LIMA1: variants seen among roughly 807,000 people sequenced by gnomAD.
LIMA1 encodes the protein LIM domain and actin-binding protein 1.
Under a neutral mutation model 62.6 loss-of-function variants are expected in LIMA1, and 52 were observed. The ratio of observed to expected loss-of-function variants is 0.83; its 90% CI spans 0.67 to 1.05. LIMA1 has a LOEUF of 1.05. Among genes scored for constraint, LIMA1 ranks in the 50% least tolerant of loss-of-function variants. The probability of loss-of-function intolerance (pLI) is 0.00; values close to 1 mark genes in which losing one functional copy is unlikely to be tolerated. For synonymous variants in LIMA1, 302 were observed against 317.8 expected (o/e 0.95, Z 0.53); for missense variants, 780 against 902.2 (o/e 0.86, Z 1.74).
At chr12:50,229,012 G>C (rs1194725435) in intron 3 of LIMA1, among the ~76,000 whole-genome samples, 1 of 152,170 alleles carries the variant, frequency 6.6e-6, no homozygotes, top group Non-Finnish European at 1.5e-5. Context: ...ACAAGCCACT[G>C]TGGCAGAGCC....
In LIMA1 at chr12:50,200,805, A is replaced by G; in HGVS notation, c.944T>C (p.Val315Ala). The change falls in exon 7 of 11, where the codon GTC becomes GCC. Residue 315 changes from valine (V) to alanine (A), a missense_variant. Transcript: ENST00000341247. ...QKENVPPGPE[V>A]CITHQEGEKI... ...TTCCCCTTCCTGATGGGTGATGCAG[A>G]CCTCAGGACCTGGGGGCACATTCTC... 1 of 1,614,106 alleles carries G rather than the reference A, an allele frequency of 6.2e-7. No individual in the cohort carries two copies. Among genetic ancestry groups the G allele is most frequent in the Non-Finnish European group, 8.5e-7 (1 of 1,180,010 alleles).
intron 6 of LIMA1, chr12:50,202,030 A>C (rs1941061670): frequency 6.6e-6 from 1 of 152,330 alleles, no homozygotes; most frequent in South Asian, 2.1e-4. Context: ...GCATGGGAGG[A>C]AACAATTTAT....
chr12:50,209,475 T>C (rs1422651690), intron 4 of LIMA1, among the ~76,000 whole-genome samples: 1 of 147,756 alleles, frequency 6.8e-6, no homozygotes, highest in Non-Finnish European at 1.5e-5. Context: ...AGGCTGAGGT[T>C]GAGAATCACT....
At chr12:50,259,048 C>T (rs1942033727) in intron 1 of LIMA1, among the ~76,000 whole-genome samples, 1 of 152,188 alleles carries the variant, frequency 6.6e-6, no homozygotes, top group South Asian at 2.1e-4. Flanking sequence ...TTTATAACTT[C>T]TTTCTCTGAT....
chr12:50,194,436 A>G (rs1940882928), intron 8 of LIMA1, among the ~76,000 whole-genome samples: 1 of 152,036 alleles, frequency 6.6e-6, no homozygotes, highest in South Asian at 2.1e-4. Context: ...AGCTGGGATT[A>G]CAGGCGCCCA....
intron 4 of LIMA1, among the ~76,000 whole-genome samples, chr12:50,208,239 A>G: frequency 6.6e-6 from 1 of 152,164 alleles, no homozygotes; most frequent in East Asian, 1.9e-4. Context: ...TAATCCCAGC[A>G]CTTTGGGAGG....
At chr12:50,270,355 C>A (rs541479495) in intron 1 of LIMA1, among the ~76,000 whole-genome samples, 1 of 151,272 alleles carries the variant, frequency 6.6e-6, no homozygotes, top group South Asian at 2.1e-4. Flanking sequence ...TCCCAGCACT[C>A]TGGGAGACCA....
intron 4 of LIMA1, among the ~76,000 whole-genome samples, chr12:50,207,244 G>T (rs549265521): frequency 6.6e-6 from 1 of 152,216 alleles, no homozygotes; most frequent in East Asian, 1.9e-4. Flanking sequence ...TTTTTTTAAT[G>T]AAGTGTTTTG....
At position 50,177,131 on chromosome 12, in the gene LIMA1, T is replaced by G. The variant is rs1177693364; in HGVS notation, c.2213A>C (p.Lys738Thr). Reference sequence around the variant, plus strand: ...TATCTGTTCTTCCACAGAGAGCTCTTTGACCACTTCTCCCTCCCAGAGTTC... The same window carrying G: ...TATCTGTTCTTCCACAGAGAGCTCTGTGACCACTTCTCCCTCCCAGAGTTC... ...DVELWEGEVV[K>T]ELSVEEQIKR... The change falls in exon 11 of 11, where the codon AAA becomes ACA. Residue 738 changes from lysine (K) to threonine (T), a missense_variant. Transcript: ENST00000341247. 2 of 1,612,948 alleles carry G rather than the reference T, an allele frequency of 1.2e-6. No homozygotes were observed. The highest frequency in any genetic ancestry group is 1.7e-6 in the Non-Finnish European group (2 of 1,179,704).
At position 50,222,243 on chromosome 12, in the gene LIMA1, G is replaced by A. The variant is rs780513771; in HGVS notation, c.408C>T (p.Ala136=). The A allele has an allele frequency of 1.6e-5, 26 of 1,613,940 alleles. No homozygotes were observed. The highest frequency in any genetic ancestry group is 2.2e-5 in the East Asian group (1 of 44,900). Residue 136 remains alanine, a synonymous_variant, in exon 4 of 11, where the codon GCC becomes GCT. Transcript: ENST00000341247. The stretch of plus-strand genomic sequence containing the variant: ...TGTGGGGATATCGACCCTGAACGAG[G>A]GCTTCAGGAGGTGACCTGAGTCTAG... ...PRSRLRSPPE[A]LVQGRYPHIK... is the part of the protein sequence containing the mutation.
At chr12:50,197,090 T>C (rs1940945725) in intron 7 of LIMA1, among the ~76,000 whole-genome samples, 1 of 151,014 alleles carries the variant, frequency 6.6e-6, no homozygotes, top group African/African-American at 2.4e-5. Flanking sequence ...TTTTTTTTTT[T>C]GAATGGAGTC....
chr12:50,219,403 T>C (rs1417910680), intron 4 of LIMA1, among the ~76,000 whole-genome samples: 1 of 152,124 alleles, frequency 6.6e-6, no homozygotes, highest in Non-Finnish European at 1.5e-5. Context: ...GAGAATTACT[T>C]GAACCTGGGA....
chr12:50,267,081 A>G (rs562795496), intron 1 of LIMA1, among the ~76,000 whole-genome samples: 1 of 150,002 alleles, frequency 6.7e-6, no homozygotes, highest in South Asian at 2.1e-4. Context: ...TTTTATTATT[A>G]TTTTTTGAGA....
chr12:50,181,835 G>A, intron 10 of LIMA1, 69 bp downstream of exon 10: 3 of 1,548,646 alleles, frequency 1.9e-6, no homozygotes, highest in Non-Finnish European at 2.7e-6. Context: ...TAGCACCAGT[G>A]CTCTAAAAGC....
At chr12:50,180,254 C>A (rs1940465742) in intron 10 of LIMA1, among the ~76,000 whole-genome samples, 1 of 151,066 alleles carries the variant, frequency 6.6e-6, no homozygotes, top group Admixed American at 6.6e-5. Context: ...GAGCTGACAT[C>A]ATCCCACTGC....
intron 1 of LIMA1, among the ~76,000 whole-genome samples, chr12:50,279,858 T>TC (rs1474684698): frequency 2.0e-5 from 3 of 151,782 alleles, no homozygotes; most frequent in Non-Finnish European, 4.4e-5. Context: ...ATAAAAGAAG[T>TC]CCCGGGGCAT....
intron 2 of LIMA1, among the ~76,000 whole-genome samples, chr12:50,242,220 G>T (rs987068198): frequency 6.6e-6 from 1 of 151,814 alleles, no homozygotes; most frequent in African/African-American, 2.4e-5. Flanking sequence ...TTTAAGCAAT[G>T]TATTTTCTTC....
chr12:50,181,780 T>G (rs1352171533), intron 10 of LIMA1, 124 bp downstream of exon 10: 4 of 1,037,782 alleles, frequency 3.9e-6, no homozygotes, highest in Non-Finnish European at 4.2e-6. Flanking sequence ...TGCTTTTTAC[T>G]TTATTCAAGA....
intron 9 of LIMA1, chr12:50,186,466 G>A (rs1046104677): frequency 2.0e-5 from 3 of 152,674 alleles, no homozygotes; most frequent in African/African-American, 7.2e-5. Context: ...TTTGACTCCT[G>A]CATACCAAGG....
Sources: gnomAD v4.1 joint callset for allele counts (sites outside exome capture counted in the v4.1 genomes callset) on GRCh38, gnomAD v4.1.1 for gene constraint, MANE v1.5 for transcripts, NCBI Gene and HGNC (gene_info 2026-07-23, HGNC 2026-07-21) for gene names.